PHC3: variants seen among roughly 807,000 people sequenced by gnomAD.
PHC3 encodes polyhomeotic homolog 3.
A neutral mutation model predicts 107.4 loss-of-function variants in PHC3; 13 were observed. The ratio of observed to expected loss-of-function variants is 0.12; its 90% confidence interval spans 0.08 to 0.19. The LOEUF (loss-of-function observed/expected upper bound fraction) is 0.19. Among genes scored for constraint, PHC3 ranks in the 10% least tolerant of loss-of-function variants. PHC3 has a pLI of 1.00. For synonymous variants in PHC3, 456 were observed against 427.4 expected (o/e 1.07, Z -0.83); for missense variants, 992 against 1,210.9 (o/e 0.82, Z 2.68).
intron 9 of PHC3, 128 bp downstream of exon 9, chr3:170,122,463 T>C: frequency 1.1e-6 from 1 of 919,558 alleles, no homozygotes; most frequent in Middle Eastern, 3.2e-4. Context: ...ATCAGCCAGC[T>C]GTAATGGTGT....
At chr3:170,128,314 A>G (rs924787065) in intron 8 of PHC3, 12 of 1,224,540 alleles carry the variant, frequency 9.8e-6, no homozygotes, top group Non-Finnish European at 1.3e-5. Flanking sequence ...ACAAGCCAAC[A>G]GAAGGGATCT....
chr3:170,176,794 C>G (rs911552394), intron 2 of PHC3: 4 of 414,448 alleles, frequency 9.7e-6, no homozygotes, highest in African/African-American at 8.2e-5. Context: ...TTACACAGTT[C>G]TAGATACTTC....
chr3:170,113,176 TTTAG>T (rs1718167426), intron 11 of PHC3, among the ~76,000 whole-genome samples, 180 bp downstream of exon 11: 1 of 152,230 alleles, frequency 6.6e-6, no homozygotes, highest in Admixed American at 6.5e-5. Flanking sequence ...ATCTTGCTAT[TTTAG>T]TTATGTGACC....
intron 8 of PHC3, among the ~76,000 whole-genome samples, chr3:170,124,539 G>GT (rs961987241): frequency 3.3e-5 from 5 of 151,956 alleles, no homozygotes; most frequent in South Asian, 2.1e-4. Flanking sequence ...ATTTTAAAAT[G>GT]TTTTTTGTAG....
At chr3:170,134,294 A>G (rs1427879008) in intron 7 of PHC3, among the ~76,000 whole-genome samples, 2 of 151,930 alleles carry the variant, frequency 1.3e-5, no homozygotes, top group East Asian at 3.9e-4. Context: ...GGTTCAAGTA[A>G]TTCTCCTGCC....
chr3:170,157,617 A>G, intron 4 of PHC3, among the ~76,000 whole-genome samples: 1 of 152,190 alleles, frequency 6.6e-6, no homozygotes. Flanking sequence ...CCTGAATGAG[A>G]TAATAGAGGA....
At position 170,090,463 on chromosome 3, in the gene PHC3, T is replaced by C. The variant is rs1298157185; in HGVS notation, c.*6767A>G. The C allele has an allele frequency of 6.6e-6, 1 of 152,234 alleles. No homozygotes were observed. The highest frequency in any genetic ancestry group is 2.4e-5 in the African/African-American group (1 of 41,462). The allele number at this position is 152,234 out of a possible 1,614,324, so 9.4% of individuals were successfully genotyped here. On this transcript the variant is annotated 3_prime_UTR_variant, in exon 15 of 15. Transcript: ENST00000495893. Reference sequence around the variant, plus strand: ...AAGTACATGAATGACAATATTCATATGTGTTCATATATTCAGTGGTTAACC... The same window carrying C: ...AAGTACATGAATGACAATATTCATACGTGTTCATATATTCAGTGGTTAACC...
intron 2 of PHC3, among the ~76,000 whole-genome samples, chr3:170,178,174 C>T (rs11505015): frequency 1.8e-4 from 26 of 144,924 alleles, no homozygotes; most frequent in South Asian, 1.8e-3. Flanking sequence ...GACGGAGTCT[C>T]GTTCTGTCGC....
rs866372575 is a variant in PHC3, at chr3:170,140,586, T to C, written c.673-3921A>G. 4.4e-3 allele frequency among the ~76,000 whole-genome samples: 283 copies of C among 64,456 alleles called. 2 individuals are homozygous for C. Among genetic ancestry groups the C allele is most frequent in the African/African-American group, 0.019 (268 of 13,844 alleles). 42.3% of individuals were successfully genotyped at this position (64,456 alleles called of 152,430 possible). ...AGAGTTCTTACTCATTTCTTTTTCTTTTTTTTTTTTTTTTTTTTTTTTTTT... is the reference window on the plus strand; with the variant it reads ...AGAGTTCTTACTCATTTCTTTTTCTCTTTTTTTTTTTTTTTTTTTTTTTTT... On this transcript the variant is annotated intron_variant, in intron 6 of 14. Transcript: ENST00000495893.
At chr3:170,140,584 C>CTTTTTTTTTTTTTTT (rs57137783) in intron 6 of PHC3, among the ~76,000 whole-genome samples, 2 of 69,590 alleles carry the variant, frequency 2.9e-5, no homozygotes, top group Non-Finnish European at 5.4e-5. Context: ...ATTTCTTTTT[C>CTTTTTTTTTTTTTTT]TTTTTTTTTT....
At chr3:170,152,177 TTTTG>T (rs1029822806) in intron 4 of PHC3, among the ~76,000 whole-genome samples, 4 of 151,802 alleles carry the variant, frequency 2.6e-5, no homozygotes, top group African/African-American at 9.7e-5. Context: ...TTTTGTTTTG[TTTTG>T]TTTTTTTGAG....
intron 6 of PHC3, among the ~76,000 whole-genome samples, chr3:170,138,151 C>T (rs961454244): frequency 5.9e-5 from 9 of 151,948 alleles, no homozygotes; most frequent in Admixed American, 3.3e-4. Context: ...CAAGATATTG[C>T]GCCATTGCCC....
intron 4 of PHC3, among the ~76,000 whole-genome samples, chr3:170,163,989 C>G (rs1261166792): frequency 6.6e-6 from 1 of 152,078 alleles, no homozygotes; most frequent in African/African-American, 2.4e-5. Flanking sequence ...TGCTTGAGGC[C>G]AGGAGTTCAA....
chr3:170,142,131 G>A (rs1203365313), intron 6 of PHC3, among the ~76,000 whole-genome samples: 1 of 151,890 alleles, frequency 6.6e-6, no homozygotes, highest in African/African-American at 2.4e-5. Context: ...TTGTTTTAAG[G>A]AATAAATGAA....
chr3:170,158,599 T>C (rs758416769), intron 4 of PHC3, among the ~76,000 whole-genome samples: 4 of 149,818 alleles, frequency 2.7e-5, no homozygotes, highest in Non-Finnish European at 5.9e-5. Context: ...TGAGACTCCA[T>C]CTCAAAAAAG....
intron 7 of PHC3, among the ~76,000 whole-genome samples, chr3:170,132,832 T>C (rs537606253): frequency 1.3e-5 from 2 of 152,364 alleles, no homozygotes; most frequent in East Asian, 1.9e-4. Context: ...CCAATTAAGC[T>C]AGTTTCATAA....
intron 5 of PHC3, chr3:170,148,836 C>T (rs573261573): frequency 2.9e-6 from 1 of 340,068 alleles, no homozygotes; most frequent in Non-Finnish European, 5.4e-6. Context: ...AAAATAATCA[C>T]TCTTACGTTA....
intron 4 of PHC3, among the ~76,000 whole-genome samples, chr3:170,167,197 G>A (rs189030743): frequency 6.6e-6 from 1 of 152,188 alleles, no homozygotes; most frequent in East Asian, 1.9e-4. Flanking sequence ...CACCCAGGCT[G>A]GAGTGCAATG....
chr3:170,155,758 T>C (rs984561687), intron 4 of PHC3, among the ~76,000 whole-genome samples: 1 of 151,824 alleles, frequency 6.6e-6, no homozygotes, highest in Non-Finnish European at 1.5e-5. Flanking sequence ...GCATTGGATA[T>C]ACACACAATA....
Sources: gnomAD v4.1 joint callset for allele counts (sites outside exome capture counted in the v4.1 genomes callset) on GRCh38, gnomAD v4.1.1 for gene constraint, MANE v1.5 for transcripts, NCBI Gene and HGNC (gene_info 2026-07-23, HGNC 2026-07-21) for gene names.